UTP11: variants seen among roughly 807,000 people sequenced by gnomAD.
The protein encoded by UTP11 is probable U3 small nucleolar RNA-associated protein 11.
UTP11 carries 29 observed loss-of-function variants against 39.0 expected under a neutral mutation model. The observed-to-expected ratio is 0.74, with a 90% CI of 0.55 to 1.01. The LOEUF is 1.01. Among genes scored for constraint, UTP11 ranks in the 50% least tolerant of loss-of-function variants. The probability of loss-of-function intolerance (pLI) is 0.00; values close to 1 mark genes in which losing one functional copy is unlikely to be tolerated. For missense variants in UTP11, 281 were observed against 306.0 expected (o/e 0.92, Z 0.61); for synonymous variants, 111 against 105.0 (o/e 1.06, Z -0.35).
intron 6 of UTP11, among the ~76,000 whole-genome samples, chr1:38,020,158 A>G (rs1479750450): frequency 6.6e-6 from 1 of 151,844 alleles, no homozygotes; most frequent in Non-Finnish European, 1.5e-5. Context: ...CTGGAGTGCA[A>G]TGGTGTGATT....
chr1:38,023,474 A>G (rs1209177509), intron 7 of UTP11, 71 bp from the exon 8 acceptor site: 1 of 1,370,874 alleles, frequency 7.3e-7, no homozygotes, highest in Non-Finnish European at 1.0e-6. Context: ...GCTAATAGGT[A>G]GTTTATTAAC....
chr1:38,023,844 T>G lies in UTP11; in HGVS notation c.*216T>G. ...GAAATTAGTCTTATTTTTATATACT[T>G]AATTTTTTTTTTCTTTGAGATAGGG... On this transcript the variant is annotated 3_prime_UTR_variant, in exon 8 of 8. Coordinates refer to ENST00000373014, the MANE Select transcript of UTP11 (RefSeq NM_016037.4). The G allele has an allele frequency of 2.6e-6, 1 of 389,076 alleles. No individual in the cohort carries two copies. Among genetic ancestry groups the G allele is most frequent in the South Asian group, 6.1e-5 (1 of 16,440 alleles). 24.1% of individuals were successfully genotyped at this position (389,076 alleles called of 1,614,324 possible). A position where few individuals can be genotyped will look rare whatever the true frequency, so the allele number is the denominator to read the frequency against.
intron 1 of UTP11, 21 bp from the exon 2 acceptor site, chr1:38,016,338 G>T (rs1022614895): frequency 9.3e-6 from 15 of 1,613,780 alleles, no homozygotes; most frequent in Non-Finnish European, 1.3e-5. Flanking sequence ...AAGCACTGTT[G>T]TTCTTTCTTT....
intron 3 of UTP11, 58 bp from the exon 4 acceptor site, chr1:38,018,406 A>C: frequency 1.5e-6 from 2 of 1,364,306 alleles, no homozygotes; most frequent in Non-Finnish European, 2.1e-6. Flanking sequence ...CACTGTGCCA[A>C]CAACTTATTA....
intron 1 of UTP11, among the ~76,000 whole-genome samples, chr1:38,014,446 C>T (rs148003744): frequency 2.6e-5 from 4 of 152,306 alleles, no homozygotes; most frequent in Non-Finnish European, 4.4e-5. Context: ...TGTGTTATTA[C>T]GTAAACTATT....
chr1:38,019,175 TG>T (rs1208456387), intron 5 of UTP11, 23 bp downstream of exon 5: 1 of 1,614,018 alleles, frequency 6.2e-7, no homozygotes, highest in South Asian at 1.1e-5. Flanking sequence ...TGAAGGTTTC[TG>T]GGACAGTCTA....
intron 6 of UTP11, 132 bp from the exon 7 acceptor site, chr1:38,022,567 C>T (rs528799575): frequency 1.1e-5 from 7 of 646,694 alleles, no homozygotes; most frequent in African/African-American, 3.7e-5. Context: ...ATTGTTACCA[C>T]GTTATGTTGA....
intron 4 of UTP11, among the ~76,000 whole-genome samples, 156 bp downstream of exon 4, chr1:38,018,733 G>A (rs1646719694): frequency 6.6e-6 from 1 of 152,210 alleles, no homozygotes; most frequent in South Asian, 2.1e-4. Context: ...AGTGGAAAGA[G>A]TTCAGGTTTG....
chr1:38,013,031 G>T (rs1049031420), intron 1 of UTP11, among the ~76,000 whole-genome samples, 166 bp downstream of exon 1: 3 of 152,262 alleles, frequency 2.0e-5, no homozygotes, highest in Non-Finnish European at 1.5e-5. Flanking sequence ...TCGTGGGAAC[G>T]AGTGGAGGGG....
chr1:38,015,843 C>T (rs1646704549), intron 1 of UTP11, among the ~76,000 whole-genome samples: 1 of 152,096 alleles, frequency 6.6e-6, no homozygotes, highest in South Asian at 2.1e-4. Context: ...TCAGTATAAC[C>T]CGGAGAAGCA....
intron 2 of UTP11, 160 bp from the exon 3 acceptor site, chr1:38,017,508 A>G (rs1003708157): frequency 1.9e-6 from 1 of 521,678 alleles, no homozygotes; most frequent in Non-Finnish European, 3.4e-6. Flanking sequence ...GCTCAGTGAC[A>G]GTGGAGTGTC....
chr1:38,020,464 C>A (rs1646730225), intron 6 of UTP11, among the ~76,000 whole-genome samples: 1 of 152,084 alleles, frequency 6.6e-6, no homozygotes, highest in Admixed American at 6.6e-5. Flanking sequence ...CCTTATGGTG[C>A]TTTCCGTCAC....
In UTP11 at chr1:38,022,755, A is replaced by G; in HGVS notation, c.624A>G (p.Arg208=). ...ACTGCCTGACACAGCGGATTGAACG[A>G]GAGAAGAAATTGTTCGTTATTGCTC... ...QYNCLTQRIE[R]EKKLFVIAQK... is the part of the protein sequence containing the mutation. Residue 208 remains arginine (R), a synonymous_variant, in exon 7 of 8, where the codon CGA becomes CGG. Coordinates refer to ENST00000373014, the MANE Select transcript of UTP11 (RefSeq NM_016037.4). The G allele has an allele frequency of 6.2e-7, 1 of 1,614,142 alleles. No homozygotes were observed. The highest frequency in any genetic ancestry group is 1.1e-5 in the South Asian group (1 of 91,084).
At chr1:38,018,140 G>A (rs1020046590) in intron 3 of UTP11, among the ~76,000 whole-genome samples, 3 of 151,740 alleles carry the variant, frequency 2.0e-5, no homozygotes, top group Non-Finnish European at 4.4e-5. Context: ...GTGCGACCTC[G>A]GCTCCCTGCA....
chr1:38,012,808 G>A lies in UTP11; in HGVS notation c.6G>A (p.Ala2=). The change falls in exon 1 of 8, where the codon GCG becomes GCA. Residue 2 remains alanine, a synonymous_variant. Transcript: ENST00000373014. ...TTTTCCAAGGCTGTACAGACATGGC[G>A]GCGGCTTTTCGGAAGGCGGCTAAGT... is the stretch of plus-strand genomic sequence containing the variant. M[A]AAFRKAAKSR... is the part of the protein sequence containing the mutation. 6.2e-7 allele frequency: 1 copy of A among 1,614,204 alleles called. No individual in the cohort carries two copies. Among genetic ancestry groups the A allele is most frequent in the Non-Finnish European group, 8.5e-7 (1 of 1,180,030 alleles).
chr1:38,019,180 C>G (rs771998903), intron 5 of UTP11, 28 bp downstream of exon 5: 1 of 1,613,734 alleles, frequency 6.2e-7, no homozygotes, highest in Admixed American at 1.7e-5. Flanking sequence ...GTTTCTGGGA[C>G]AGTCTACCAT....
rs1646684326 is a variant in UTP11, at chr1:38,012,735, G to A, written c.-68G>A. On this transcript the variant is annotated 5_prime_UTR_variant, in exon 1 of 8. It adds an upstream start codon to the 5' untranslated region. Transcript: ENST00000373014. ...CTAGGCCTATTTCCGGTAGGAATCAGTGGACTTGGCGGCAGAGGCAGTGCG... is the reference window on the plus strand; with the variant it reads ...CTAGGCCTATTTCCGGTAGGAATCAATGGACTTGGCGGCAGAGGCAGTGCG... The A allele has an allele frequency of 5.0e-6, 8 of 1,606,536 alleles. No individual in the cohort carries two copies. The highest frequency in any genetic ancestry group is 1.3e-5 in the African/African-American group (1 of 74,812).
At chr1:38,022,834 C>CA in intron 7 of UTP11, 25 bp downstream of exon 7, 2 of 1,214,334 alleles carry the variant, frequency 1.6e-6, no homozygotes, top group Non-Finnish European at 1.1e-6. Flanking sequence ...CCTTAGGCCT[C>CA]TTTTTTTTTT....
At chr1:38,023,320 C>T (rs1271398937) in intron 7 of UTP11, among the ~76,000 whole-genome samples, 4 of 152,160 alleles carry the variant, frequency 2.6e-5, no homozygotes, top group African/African-American at 9.7e-5. Flanking sequence ...ACTACTTGAA[C>T]ACCTTTCTTC....
Sources: allele counts gnomAD v4.1 joint callset (sites outside exome capture counted in the v4.1 genomes callset), GRCh38; gene constraint gnomAD v4.1.1; transcripts MANE v1.5; gene names NCBI Gene and HGNC (gene_info 2026-07-23, HGNC 2026-07-21).